Variants in PPM1D observed in about 807,000 individuals in gnomAD.
PPM1D encodes protein phosphatase 1D.
A neutral mutation model predicts 58.3 loss-of-function variants in PPM1D; 52 were observed. The ratio of observed to expected loss-of-function variants is 0.89; its 90% CI spans 0.71 to 1.12. PPM1D has a LOEUF of 1.12. PPM1D is among the 50% of genes most tolerant of loss of function. The pLI is 0.00. For synonymous variants in PPM1D, 278 were observed against 285.1 expected, an observed-to-expected ratio of 0.98 and a Z score of 0.25; for missense variants, 564 against 777.2, an observed-to-expected ratio of 0.73 and a Z score of 3.26.
At chr17:60,632,201 A>G (rs1299658341) in intron 2 of PPM1D, among the ~76,000 whole-genome samples, 1 of 149,700 alleles carries the variant, frequency 6.7e-6, no homozygotes, top group African/African-American at 2.5e-5. Context: ...CTCAAAAACA[A>G]AAAAAAAAAC....
At chr17:60,618,122 C>T (rs1567966802) in intron 1 of PPM1D, among the ~76,000 whole-genome samples, 1 of 152,202 alleles carries the variant, frequency 6.6e-6, no homozygotes, top group Non-Finnish European at 1.5e-5. Flanking sequence ...TGTTGAACAA[C>T]TTGGGCTGTT....
chr17:60,644,569 C>T (rs2031199586), intron 3 of PPM1D, among the ~76,000 whole-genome samples: 1 of 152,166 alleles, frequency 6.6e-6, no homozygotes, highest in South Asian at 2.1e-4. Context: ...GAATAACATC[C>T]TCATGCTTAG....
At chr17:60,608,787 G>A (rs868854133) in intron 1 of PPM1D, among the ~76,000 whole-genome samples, 4 of 149,074 alleles carry the variant, frequency 2.7e-5, no homozygotes, top group Non-Finnish European at 4.4e-5. Flanking sequence ...TCGCTCTGTC[G>A]CCCAGGCTGG....
intron 4 of PPM1D, among the ~76,000 whole-genome samples, chr17:60,651,101 G>T (rs991015113): frequency 1.3e-5 from 2 of 152,182 alleles, no homozygotes; most frequent in Non-Finnish European, 2.9e-5. Flanking sequence ...CAAGTCAGCA[G>T]AATTCTAGTG....
chr17:60,626,652 C>T (rs1350291866), intron 2 of PPM1D, among the ~76,000 whole-genome samples: 1 of 152,024 alleles, frequency 6.6e-6, no homozygotes, highest in Non-Finnish European at 1.5e-5. Flanking sequence ...CCTCAGCCTC[C>T]CAAAGTGCTG....
At chr17:60,662,570 T>C (rs1458665188) in intron 5 of PPM1D, 1 of 158,592 alleles carries the variant, frequency 6.3e-6, no homozygotes, top group Non-Finnish European at 1.4e-5. Context: ...ATGCGATACT[T>C]TTGATCTTCT....
At chr17:60,614,604 T>C (rs1452469224) in intron 1 of PPM1D, among the ~76,000 whole-genome samples, 1 of 152,130 alleles carries the variant, frequency 6.6e-6, no homozygotes, top group African/African-American at 2.4e-5. Context: ...CCGTGGAAGC[T>C]TAGTTCTTTT....
intron 3 of PPM1D, among the ~76,000 whole-genome samples, chr17:60,634,407 A>AG (rs982736950): frequency 2.6e-5 from 4 of 152,208 alleles, no homozygotes; most frequent in African/African-American, 9.7e-5. Context: ...TCTAAAAAAA[A>AG]GCCTAATTGA....
intron 3 of PPM1D, among the ~76,000 whole-genome samples, chr17:60,645,534 GTGTATATATA>G (rs1250309158): frequency 6.0e-5 from 8 of 133,000 alleles, no homozygotes; most frequent in Non-Finnish European, 9.5e-5. Flanking sequence ...ATATATATAT[GTGTATATATA>G]TGTATATATA....
intron 4 of PPM1D, among the ~76,000 whole-genome samples, chr17:60,651,418 A>G (rs1211864124): frequency 7.5e-6 from 1 of 133,150 alleles, no homozygotes; most frequent in Non-Finnish European, 1.6e-5. Flanking sequence ...TTTTTTTTTG[A>G]GATGTAATCT....
In PPM1D at chr17:60,633,857, A is replaced by G. The variant is rs1598406706; in HGVS notation, c.706A>G (p.Met236Val). 6.2e-7 allele frequency: 1 copy of G among 1,611,424 alleles called. No homozygotes were observed. Among genetic ancestry groups the G allele is most frequent in the Admixed American group, 1.7e-5 (1 of 59,764 alleles). Reference protein sequence around the residue: ...ERIEGLGGSVMNKSGVNRVVW... With the variant: ...ERIEGLGGSVVNKSGVNRVVW... ...ATGTGAACTCTTTATTTTTAGTGTA[A>G]TGAACAAGTCTGGGGTGAATCGTGT... Residue 236 changes from methionine to valine, a missense_variant, in exon 3 of 6, where the codon ATG becomes GTG. Coordinates refer to ENST00000305921, the MANE Select transcript of PPM1D (RefSeq NM_003620.4).
At chr17:60,642,707 T>C (rs1391638419) in intron 3 of PPM1D, among the ~76,000 whole-genome samples, 1 of 152,062 alleles carries the variant, frequency 6.6e-6, no homozygotes, top group African/African-American at 2.4e-5. Context: ...TCCACCAGCC[T>C]GGGCCTCCCA....
intron 3 of PPM1D, among the ~76,000 whole-genome samples, chr17:60,642,144 T>C (rs2031146246): frequency 6.6e-6 from 1 of 152,166 alleles, no homozygotes; most frequent in African/African-American, 2.4e-5. Flanking sequence ...TATAGACTCT[T>C]TGAACTGGTA....
intron 5 of PPM1D, among the ~76,000 whole-genome samples, chr17:60,659,271 A>G (rs1196903687): frequency 6.6e-6 from 1 of 152,212 alleles, no homozygotes; most frequent in East Asian, 1.9e-4. Flanking sequence ...GTTTAGTAAC[A>G]TAGAGATAAA....
chr17:60,646,933 G>A (rs376445824), intron 3 of PPM1D, among the ~76,000 whole-genome samples: 1 of 152,142 alleles, frequency 6.6e-6, no homozygotes, highest in Non-Finnish European at 1.5e-5. Flanking sequence ...GAATTTTCTT[G>A]CAAGTGACTG....
At chr17:60,653,132 G>A (rs2031374650) in intron 4 of PPM1D, among the ~76,000 whole-genome samples, 1 of 152,156 alleles carries the variant, frequency 6.6e-6, no homozygotes, top group Non-Finnish European at 1.5e-5. Flanking sequence ...CATAGTTTGT[G>A]AGATCAAAGT....
intron 3 of PPM1D, among the ~76,000 whole-genome samples, chr17:60,634,436 T>G (rs1410003379): frequency 6.6e-6 from 1 of 152,148 alleles, no homozygotes; most frequent in African/African-American, 2.4e-5. Flanking sequence ...TTTAGGTATA[T>G]AATTCACTGA....
chr17:60,630,888 T>G (rs1290365827), intron 2 of PPM1D, among the ~76,000 whole-genome samples: 1 of 152,252 alleles, frequency 6.6e-6, no homozygotes, highest in Non-Finnish European at 1.5e-5. Flanking sequence ...TGGCATCTTA[T>G]AACTCTTGTG....
intron 5 of PPM1D, among the ~76,000 whole-genome samples, chr17:60,660,338 A>G (rs1330722386): frequency 6.6e-6 from 1 of 152,074 alleles, no homozygotes; most frequent in Non-Finnish European, 1.5e-5. Flanking sequence ...CTCTGTCTCA[A>G]AAAGAAACAA....
Sources: gnomAD v4.1 joint callset for allele counts (sites outside exome capture counted in the v4.1 genomes callset) on GRCh38, gnomAD v4.1.1 for gene constraint, MANE v1.5 for transcripts, NCBI Gene and HGNC (gene_info 2026-07-23, HGNC 2026-07-21) for gene names.